The following MACROD2 variants were observed in gnomAD, a reference collection of about 807,000 sequenced individuals.
MACROD2 encodes the protein mono-ADP ribosylhydrolase 2.
A neutral mutation model predicts 70.4 loss-of-function variants in MACROD2; 36 were observed. The ratio of observed to expected loss-of-function variants is 0.51; its 90% CI spans 0.39 to 0.68. The LOEUF (loss-of-function observed/expected upper bound fraction) is 0.68, where lower values mean the gene tolerates loss of function less well. Among genes scored for constraint, MACROD2 ranks in the 30% least tolerant of loss-of-function variants. MACROD2 has a pLI of 0.00. For synonymous variants in MACROD2, 172 were observed against 178.8 expected (o/e 0.96, Z 0.30); for missense variants, 496 against 538.4 (o/e 0.92, Z 0.78).
chr20:14,703,632 A>G (rs568502911), intron 5 of MACROD2, among the ~76,000 whole-genome samples: 3 of 152,338 alleles, frequency 2.0e-5, no homozygotes, highest in Non-Finnish European at 2.9e-5. Context: ...CAGGAGTTCA[A>G]GACCAGCCTG....
At chr20:14,314,124 A>G (rs1255370029) in intron 3 of MACROD2, among the ~76,000 whole-genome samples, 1 of 152,230 alleles carries the variant, frequency 6.6e-6, no homozygotes, top group Non-Finnish European at 1.5e-5. Flanking sequence ...GGAAAGCTCA[A>G]AGAAGACTTC....
intron 4 of MACROD2, among the ~76,000 whole-genome samples, chr20:14,501,455 C>T (rs1029984468): frequency 1.3e-5 from 2 of 151,484 alleles, no homozygotes; most frequent in African/African-American, 4.8e-5. Context: ...TAGTGTTATC[C>T]TACAATACGT....
chr20:15,295,704 C>G (rs960758086), intron 6 of MACROD2, among the ~76,000 whole-genome samples: 3 of 152,034 alleles, frequency 2.0e-5, no homozygotes, highest in Non-Finnish European at 2.9e-5. Context: ...CTCACACCCC[C>G]CAACTCACCA....
At chr20:14,499,908 G>T (rs995912687) in intron 4 of MACROD2, among the ~76,000 whole-genome samples, 1 of 152,048 alleles carries the variant, frequency 6.6e-6, no homozygotes, top group African/African-American at 2.4e-5. Flanking sequence ...TTAGAACTAA[G>T]TGCAGCCAGA....
At chr20:15,385,340 T>G (rs1255168743) in intron 6 of MACROD2, among the ~76,000 whole-genome samples, 1 of 152,182 alleles carries the variant, frequency 6.6e-6, no homozygotes, top group Non-Finnish European at 1.5e-5. Flanking sequence ...AGCATTCTCC[T>G]GCAAATGTAA....
chr20:14,922,704 T>C (rs988903130), intron 5 of MACROD2, among the ~76,000 whole-genome samples: 5 of 152,158 alleles, frequency 3.3e-5, no homozygotes, highest in African/African-American at 1.2e-4. Flanking sequence ...TTTATCAATG[T>C]GGATGGTACC....
At chr20:15,770,758 A>G (rs1198491535) in intron 8 of MACROD2, among the ~76,000 whole-genome samples, 4 of 152,114 alleles carry the variant, frequency 2.6e-5, no homozygotes, top group Non-Finnish European at 4.4e-5. Flanking sequence ...ATCCTGAAAG[A>G]AGGGCTCAAA....
chr20:14,930,140 T>C (rs6043002), intron 5 of MACROD2, among the ~76,000 whole-genome samples: 389 of 121,078 alleles, frequency 3.2e-3, no homozygotes, highest in African/African-American at 0.011. Context: ...CCAGCCTGGG[T>C]GAGAGAGTGA....
intron 8 of MACROD2, among the ~76,000 whole-genome samples, chr20:15,546,801 G>C (rs967777928): frequency 6.6e-6 from 1 of 152,136 alleles, no homozygotes. Flanking sequence ...ATTTTACCAC[G>C]TGACGCTTGA....
intron 3 of MACROD2, among the ~76,000 whole-genome samples, chr20:14,347,722 C>T (rs186820477): frequency 6.6e-6 from 1 of 152,218 alleles, no homozygotes; most frequent in East Asian, 1.9e-4. Flanking sequence ...GAAAGGGTCC[C>T]CTCTACCATT....
intron 3 of MACROD2, among the ~76,000 whole-genome samples, chr20:14,362,621 C>T (rs934864740): frequency 1.6e-4 from 25 of 151,998 alleles, no homozygotes; most frequent in South Asian, 6.2e-4. Context: ...CAGACCCCTA[C>T]GAAAACCAAA....
At chr20:15,578,998 G>A (rs1318254215) in intron 8 of MACROD2, among the ~76,000 whole-genome samples, 1 of 152,180 alleles carries the variant, frequency 6.6e-6, no homozygotes, top group African/African-American at 2.4e-5. Flanking sequence ...GGAAAATTGA[G>A]TTGAAAATAA....
At chr20:14,716,491 A>G (rs912324932) in intron 5 of MACROD2, among the ~76,000 whole-genome samples, 3 of 152,162 alleles carry the variant, frequency 2.0e-5, no homozygotes, top group African/African-American at 7.2e-5. Flanking sequence ...TCTTTCTGCC[A>G]TTGGTTCCGA....
chr20:15,102,991 A>G (rs1007861495), intron 5 of MACROD2, among the ~76,000 whole-genome samples: 2 of 152,166 alleles, frequency 1.3e-5, no homozygotes, highest in Admixed American at 6.6e-5. Flanking sequence ...ATACAGTGAT[A>G]TGTCTTATTT....
At chr20:14,611,930 C>T (rs914373061) in intron 4 of MACROD2, among the ~76,000 whole-genome samples, 2 of 152,094 alleles carry the variant, frequency 1.3e-5, no homozygotes, top group African/African-American at 4.8e-5. Flanking sequence ...AGGTACTCAT[C>T]TAACATTTAA....
chr20:15,558,511 C>T (rs1242580652), intron 8 of MACROD2, among the ~76,000 whole-genome samples: 2 of 152,236 alleles, frequency 1.3e-5, no homozygotes, highest in Admixed American at 1.3e-4. Context: ...AAAACACTTG[C>T]CAAAGGTGCT....
At chr20:14,215,974 G>A (rs1227791336) in intron 3 of MACROD2, among the ~76,000 whole-genome samples, 5 of 152,050 alleles carry the variant, frequency 3.3e-5, no homozygotes, top group African/African-American at 1.2e-4. Flanking sequence ...TGTTTACTCT[G>A]CTGACTGTTC....
intron 5 of MACROD2, among the ~76,000 whole-genome samples, chr20:14,752,759 A>G (rs1020001360): frequency 6.6e-6 from 1 of 152,090 alleles, no homozygotes; most frequent in Admixed American, 6.5e-5. Flanking sequence ...TCCGCAAAAA[A>G]CATATCATGA....
At chr20:15,193,100 A>G (rs527688284) in intron 5 of MACROD2, among the ~76,000 whole-genome samples, 2 of 152,300 alleles carry the variant, frequency 1.3e-5, no homozygotes, top group African/African-American at 4.8e-5. Context: ...AGCAGGCTCT[A>G]GGTCTGCATG....
Sources: allele counts gnomAD v4.1 joint callset (sites outside exome capture counted in the v4.1 genomes callset), GRCh38; gene constraint gnomAD v4.1.1; transcripts MANE v1.5; gene names NCBI Gene and HGNC (gene_info 2026-07-23, HGNC 2026-07-21).